The following TPTE2 variants were observed in gnomAD, a reference collection of about 807,000 sequenced individuals.
The protein encoded by TPTE2 is phosphatidylinositol 3,4,5-trisphosphate 3-phosphatase TPTE2.
A neutral mutation model predicts 78.6 loss-of-function variants in TPTE2; 53 were observed. That is an observed-to-expected ratio of 0.67 (90% CI 0.54 to 0.85). The LOEUF (loss-of-function observed/expected upper bound fraction) is 0.85, where lower values mean the gene tolerates loss of function less well. Among genes scored for constraint, TPTE2 ranks in the 40% least tolerant of loss-of-function variants. TPTE2 has a pLI of 0.00. For synonymous variants in TPTE2, 175 were observed against 206.2 expected (o/e 0.85, Z 1.30); for missense variants, 461 against 623.0 (o/e 0.74, Z 2.77).
chr13:19,467,716 T>C (rs925958211), intron 6 of TPTE2, among the ~76,000 whole-genome samples: 13 of 152,152 alleles, frequency 8.5e-5, no homozygotes, highest in African/African-American at 2.9e-4. Context: ...CATTTAAAAA[T>C]ATACAATCAA....
At chr13:19,533,421 A>C (rs568107345) in intron 1 of TPTE2, among the ~76,000 whole-genome samples, 1 of 152,260 alleles carries the variant, frequency 6.6e-6, no homozygotes, top group Non-Finnish European at 1.5e-5. Context: ...AATGAGAGGA[A>C]TATATAATAA....
chr13:19,468,192 C>A (rs1480723649), intron 6 of TPTE2, among the ~76,000 whole-genome samples: 1 of 151,490 alleles, frequency 6.6e-6, no homozygotes, highest in East Asian at 2.0e-4. Flanking sequence ...AGGCGACCGA[C>A]ACCACACCCA....
upstream of TPTE2, among the ~76,000 whole-genome samples, chr13:19,539,333 T>A (rs929218004): frequency 6.6e-6 from 1 of 152,206 alleles, no homozygotes; most frequent in Non-Finnish European, 1.5e-5. Flanking sequence ...AACTGAATCA[T>A]GGGGGTGGGT....
At position 19,535,565 on chromosome 13, in the gene TPTE2, A is replaced by G. The variant is rs1369866346; in HGVS notation, c.-44+1031T>C. 6.6e-6 allele frequency among the ~76,000 whole-genome samples: 1 copy of G among 152,036 alleles called. No individual in the cohort carries two copies. The highest frequency in any genetic ancestry group is 1.5e-5 in the Non-Finnish European group (1 of 68,000). Reference sequence around the variant, plus strand: ...AAAATCAAGGATTAAATTTAGATTGATTAATAAGTGACTGAGGTTCTAAGT... The same window carrying G: ...AAAATCAAGGATTAAATTTAGATTGGTTAATAAGTGACTGAGGTTCTAAGT... On this transcript the variant is annotated intron_variant, in intron 1 of 17. Coordinates refer to the TPTE2 transcript ENST00000390680. This position sits in a 1 kb window ranked among gnomAD's most constrained non-coding sequence, Gnocchi z 5.1.
intron 4 of TPTE2, among the ~76,000 whole-genome samples, chr13:19,477,016 G>C (rs1467171882): frequency 6.6e-6 from 1 of 152,096 alleles, no homozygotes; most frequent in East Asian, 1.9e-4. Flanking sequence ...ATATACCATG[G>C]AATACTATGC....
chr13:19,439,312 T>C (rs543783396), intron 13 of TPTE2, among the ~76,000 whole-genome samples: 11 of 151,380 alleles, frequency 7.3e-5, no homozygotes, highest in South Asian at 6.2e-4. Flanking sequence ...ACACACCCAA[T>C]ATAAAACCTG....
chr13:19,553,045 T>C, the TPTE2 span, among the ~76,000 whole-genome samples: 1 of 150,592 alleles, frequency 6.6e-6, no homozygotes, highest in South Asian at 2.1e-4. Context: ...AAGTCTAGGC[T>C]GTTTATCTTT....
intron 3 of TPTE2, among the ~76,000 whole-genome samples, chr13:19,484,291 T>C (rs1016754635): frequency 1.2e-4 from 18 of 152,244 alleles, no homozygotes; most frequent in African/African-American, 4.3e-4. Context: ...TTGTTATGAA[T>C]GTCTAGTTTT....
intron 16 of TPTE2, among the ~76,000 whole-genome samples, chr13:19,431,509 G>C (rs1876600584): frequency 1.3e-5 from 2 of 151,970 alleles, no homozygotes; most frequent in Non-Finnish European, 2.9e-5. Context: ...AAACTAAGTA[G>C]AGAATTAAAA....
the TPTE2 span, among the ~76,000 whole-genome samples, chr13:19,551,014 C>T: frequency 6.6e-6 from 1 of 152,108 alleles, no homozygotes; most frequent in Non-Finnish European, 1.5e-5. Context: ...ATCCAAGTTT[C>T]TTCAAATAAT....
At chr13:19,479,718 C>CT (rs1448285514) in intron 4 of TPTE2, among the ~76,000 whole-genome samples, 1 of 152,088 alleles carries the variant, frequency 6.6e-6, no homozygotes, top group African/African-American at 2.4e-5. Context: ...AATCCCAGCA[C>CT]TTTGGGTGGC....
chr13:19,505,071 C>G (rs974280030), upstream of TPTE2, among the ~76,000 whole-genome samples: 12 of 152,126 alleles, frequency 7.9e-5, no homozygotes, highest in African/African-American at 2.9e-4. Context: ...TTGGATCAAA[C>G]AGCTACAGTT....
rs752839903 is a variant in TPTE2 at position 19,526,051 on chromosome 13, G to A, written c.-44+10545C>T. ...AAGCCAAAAAATAGATGCTGGCAAAGTTACAGAGGAAAGGGAATGCTTATA... is the reference window on the plus strand; with the variant it reads ...AAGCCAAAAAATAGATGCTGGCAAAATTACAGAGGAAAGGGAATGCTTATA... On this transcript the variant is annotated intron_variant, in intron 1 of 17. Transcript: ENST00000390680. Among the ~76,000 whole-genome samples, 136 of 152,290 alleles carry A rather than the reference G, an allele frequency of 8.9e-4. 1 individual carries two copies. The highest frequency in any genetic ancestry group is 8.1e-4 in the Non-Finnish European group (55 of 68,032).
intron 13 of TPTE2, among the ~76,000 whole-genome samples, chr13:19,446,602 AATAC>A (rs1340079499): frequency 1.3e-5 from 2 of 152,202 alleles, no homozygotes; most frequent in African/African-American, 4.8e-5. Flanking sequence ...AAAAGCATGA[AATAC>A]ATACACACAC....
intron 6 of TPTE2, among the ~76,000 whole-genome samples, chr13:19,473,620 G>C (rs1167041872): frequency 8.0e-6 from 1 of 125,586 alleles, no homozygotes; most frequent in East Asian, 2.6e-4. Context: ...TTTTGAGATG[G>C]AGTCTCGCCC....
At chr13:19,480,558 T>C (rs1391436088) in intron 4 of TPTE2, among the ~76,000 whole-genome samples, 4 of 152,186 alleles carry the variant, frequency 2.6e-5, no homozygotes, top group African/African-American at 9.7e-5. Flanking sequence ...TAAATGCTTT[T>C]ATATAGTGAA....
intron 3 of TPTE2, among the ~76,000 whole-genome samples, chr13:19,484,459 A>G (rs1338408555): frequency 6.6e-6 from 1 of 152,116 alleles, no homozygotes; most frequent in African/African-American, 2.4e-5. Context: ...GATGTTCTGT[A>G]TATGTTTGTT....
intron 3 of TPTE2, among the ~76,000 whole-genome samples, chr13:19,488,190 G>A (rs1019043558): frequency 3.9e-5 from 6 of 152,090 alleles, no homozygotes; most frequent in African/African-American, 9.7e-5. Flanking sequence ...GTTTTTTCTC[G>A]TAGGGGAGAT....
Position 19,467,351 on chromosome 13 carries a change from T to TAA in TPTE2, c.393-8_393-7insTT. Reference sequence around the variant, plus strand: ...AGAAAAATACTGCTGTCTCCTGTAATATAAAAAAAAAAAAAAAAAAGTTCA... The same window carrying TAA: ...AGAAAAATACTGCTGTCTCCTGTAATAAATAAAAAAAAAAAAAAAAAAGTTCA... On this transcript the variant is annotated splice_region_variant and splice_polypyrimidine_tract_variant and intron_variant, in intron 6 of 19. Transcript: ENST00000400230. The TAA allele has an allele frequency of 8.2e-7, 1 of 1,224,414 alleles. No homozygotes were observed. Among genetic ancestry groups the TAA allele is most frequent in the Non-Finnish European group, 1.0e-6 (1 of 976,354 alleles). The allele number at this position is 1,224,414 out of a possible 1,614,324, so 75.8% of individuals were successfully genotyped here.
Sources: gnomAD v4.1 joint callset for allele counts (sites outside exome capture counted in the v4.1 genomes callset) on GRCh38, gnomAD v4.1.1 for gene constraint, Gnocchi (gnomAD v3.1) non-coding constraint, MANE v1.5 for transcripts, NCBI Gene and HGNC (gene_info 2026-07-23, HGNC 2026-07-21) for gene names.